The following PTPRO variants were observed in gnomAD, a reference collection of about 807,000 sequenced individuals.
PTPRO encodes receptor-type tyrosine-protein phosphatase O.
Under a neutral mutation model 145.2 loss-of-function variants are expected in PTPRO, and 62 were observed. That is an observed-to-expected ratio of 0.43 (90% CI 0.35 to 0.53). The LOEUF (loss-of-function observed/expected upper bound fraction) is 0.53. Among genes scored for constraint, PTPRO ranks in the 20% least tolerant of loss-of-function variants. The probability of loss-of-function intolerance (pLI) is 0.01; values close to 1 mark genes in which losing one functional copy is unlikely to be tolerated. For missense variants in PTPRO, 1,345 were observed against 1,482.7 expected, an observed-to-expected ratio of 0.91 and a Z score of 1.53; for synonymous variants, 565 against 514.7, an observed-to-expected ratio of 1.10 and a Z score of -1.32.
chr12:15,557,371 T>C, intron 15 of PTPRO, 84 bp from the exon 16 acceptor site: 1 of 1,188,652 alleles, frequency 8.4e-7, no homozygotes, highest in Non-Finnish European at 1.3e-6. Context: ...GATGATAAGC[T>C]GGTAAAGACT....
intron 1 of PTPRO, among the ~76,000 whole-genome samples, chr12:15,370,845 A>G (rs1485175046): frequency 3.3e-5 from 5 of 152,230 alleles, no homozygotes; most frequent in Non-Finnish European, 7.3e-5. Context: ...TATGAAAAAA[A>G]GTTCATTGAA....
intron 1 of PTPRO, among the ~76,000 whole-genome samples, chr12:15,388,995 T>C (rs1185068618): frequency 1.1e-4 from 17 of 152,150 alleles, no homozygotes; most frequent in Admixed American, 1.1e-3. Context: ...GGTTTTATTT[T>C]CTCTGTCTTT....
intron 1 of PTPRO, among the ~76,000 whole-genome samples, chr12:15,430,023 T>C (rs1940389914): frequency 6.6e-6 from 1 of 151,836 alleles, no homozygotes; most frequent in Admixed American, 6.6e-5. Context: ...TGTTGATTTT[T>C]GGTTTGATTT....
chr12:15,517,946 G>A lies in PTPRO; in HGVS notation c.1779+990G>A, dbSNP rs550781064. 2.6e-3 allele frequency among the ~76,000 whole-genome samples: 402 copies of A among 152,298 alleles called. 3 individuals carry two copies. Among genetic ancestry groups the A allele is most frequent in the African/African-American group, 9.4e-3 (390 of 41,562 alleles). On this transcript the variant is annotated intron_variant, in intron 9 of 26. Coordinates refer to ENST00000281171, the MANE Select transcript of PTPRO (RefSeq NM_030667.3). ...CTACCATTCTGGGGTCTGGAGGATG[G>A]TGACCCTCTTCTCACAGCTCCACTA...
chr12:15,556,363 C>T (rs564616796), intron 15 of PTPRO, among the ~76,000 whole-genome samples: 32 of 152,238 alleles, frequency 2.1e-4, no homozygotes, highest in Admixed American at 6.5e-4. Context: ...GTTAAAATCT[C>T]TGCTTCAGTT....
rs187154106 is a variant in PTPRO, at chr12:15,443,291, T to C, written c.76-40683T>C. On this transcript the variant is annotated intron_variant, in intron 1 of 26. Transcript: ENST00000281171. ...GGACTGGGATAGCTTTCCAGCCATA[T>C]GCAGAAGAATGAAACTGGATCCCAT... is the stretch of plus-strand genomic sequence containing the variant. Among the ~76,000 whole-genome samples, 262 of 152,278 alleles carry C rather than the reference T, an allele frequency of 1.7e-3. 1 individual carries two copies. Among genetic ancestry groups the C allele is most frequent in the African/African-American group, 6.0e-3 (250 of 41,576 alleles).
rs1944500594 is a variant in PTPRO, at chr12:15,589,475, G to C, written c.3431G>C (p.Gly1144Ala). 1 of 1,614,150 alleles carries C rather than the reference G, an allele frequency of 6.2e-7. No homozygotes were observed. The highest frequency in any genetic ancestry group is 1.7e-5 in the Admixed American group (1 of 60,024). The change falls in exon 25 of 27, where the codon GGA (glycine) becomes GCA (alanine). Residue 1144 changes from glycine to alanine, a missense_variant. Coordinates refer to ENST00000281171, the MANE Select transcript of PTPRO (RefSeq NM_030667.3). Reference protein sequence around the residue: ...IHCSAGVGRTGTFIALDRLLQ... With the variant: ...IHCSAGVGRTATFIALDRLLQ... Reference sequence around the variant, plus strand: ...TGCAGTGCTGGCGTGGGACGGACAGGAACATTCATTGCCCTGGACAGGCTC... The same window carrying C: ...TGCAGTGCTGGCGTGGGACGGACAGCAACATTCATTGCCCTGGACAGGCTC...
intron 1 of PTPRO, among the ~76,000 whole-genome samples, chr12:15,451,609 C>T (rs1327273931): frequency 6.6e-6 from 1 of 152,100 alleles, no homozygotes; most frequent in African/African-American, 2.4e-5. Flanking sequence ...AAACAAGTCT[C>T]AATAAATTTA....
chr12:15,357,608 T>G (rs1227762509), intron 1 of PTPRO, among the ~76,000 whole-genome samples: 1 of 151,510 alleles, frequency 6.6e-6, no homozygotes, highest in Non-Finnish European at 1.5e-5. Context: ...AAGAAGACAT[T>G]TATGCAGCCA....
At position 15,504,283 on chromosome 12, in the gene PTPRO, AT is replaced by A. The variant is rs930799745; in HGVS notation, c.1267+224del. On this transcript the variant is annotated intron_variant, in intron 6 of 26. Transcript: ENST00000281171. ...TCCTATCCAGGGGTTTAACTTGAGG[AT>A]TTTTTTTTTACTATTGTGATAATTG... Among the ~76,000 whole-genome samples the A allele has an allele frequency of 1.3e-4, 20 of 149,922 alleles. No homozygotes were observed. The East Asian group carries it at 2.0e-3, about 15-fold the overall frequency.
At chr12:15,428,015 T>C (rs1399810036) in intron 1 of PTPRO, among the ~76,000 whole-genome samples, 1 of 152,148 alleles carries the variant, frequency 6.6e-6, no homozygotes, top group Non-Finnish European at 1.5e-5. Flanking sequence ...TAACAATTGT[T>C]ATGAAAGGCT....
intron 1 of PTPRO, among the ~76,000 whole-genome samples, chr12:15,385,757 A>T (rs759090646): frequency 2.7e-5 from 4 of 145,962 alleles, no homozygotes; most frequent in Non-Finnish European, 4.5e-5. Flanking sequence ...GGTTGCAGTG[A>T]GCAGAGATCG....
chr12:15,574,323 T>G (rs914523758), intron 19 of PTPRO, among the ~76,000 whole-genome samples: 2 of 152,214 alleles, frequency 1.3e-5, no homozygotes, highest in African/African-American at 4.8e-5. Flanking sequence ...AGGTTCCTCA[T>G]TTTTTACATT....
intron 1 of PTPRO, among the ~76,000 whole-genome samples, chr12:15,392,979 A>G (rs1292390439): frequency 3.9e-5 from 6 of 152,066 alleles, no homozygotes; most frequent in African/African-American, 1.4e-4. Context: ...ACTTTCATAG[A>G]TCCAATTGCA....
Position 15,515,490 on chromosome 12 carries a change from G to T in PTPRO, c.1465-8G>T. On this transcript the variant is annotated splice_region_variant and splice_polypyrimidine_tract_variant and intron_variant, in intron 7 of 26. Coordinates refer to ENST00000281171, the MANE Select transcript of PTPRO (RefSeq NM_030667.3). Reference sequence around the variant, plus strand: ...CTAAATAAATCTTATTGGGTGTTTGGTTTAAAGGTGAACTCAAGCAAACCT... The same window carrying T: ...CTAAATAAATCTTATTGGGTGTTTGTTTTAAAGGTGAACTCAAGCAAACCT... The T allele has an allele frequency of 1.9e-6, 3 of 1,613,754 alleles. No individual in the cohort carries two copies. Among genetic ancestry groups the T allele is most frequent in the Non-Finnish European group, 2.5e-6 (3 of 1,179,752 alleles).
chr12:15,582,904 T>C (rs750495986), intron 23 of PTPRO, among the ~76,000 whole-genome samples: 7 of 152,320 alleles, frequency 4.6e-5, no homozygotes, highest in Admixed American at 2.0e-4. Context: ...AAACGCTGAA[T>C]ATTTCTGTGA....
At chr12:15,577,997 G>A (rs529525340) in intron 19 of PTPRO, among the ~76,000 whole-genome samples, 85 of 152,258 alleles carry the variant, frequency 5.6e-4, no homozygotes, top group Admixed American at 9.8e-4. Flanking sequence ...TTCACCTTCT[G>A]AAATGAGGTT....
chr12:15,379,306 G>A (rs2136272037), intron 1 of PTPRO, among the ~76,000 whole-genome samples: 1 of 151,058 alleles, frequency 6.6e-6, no homozygotes, highest in South Asian at 2.1e-4. Flanking sequence ...ATCACCTTAG[G>A]TCAGGAGTTC....
At chr12:15,508,897 C>A in intron 7 of PTPRO, 130 bp downstream of exon 7, 1 of 929,884 alleles carries the variant, frequency 1.1e-6, no homozygotes. Context: ...GTGACTGTTC[C>A]CAAGAGCCAG....
Sources: gnomAD v4.1 joint callset for allele counts (sites outside exome capture counted in the v4.1 genomes callset) on GRCh38, gnomAD v4.1.1 for gene constraint, MANE v1.5 for transcripts, NCBI Gene and HGNC (gene_info 2026-07-23, HGNC 2026-07-21) for gene names.